The following DLGAP1 variants were observed in gnomAD, a reference collection of about 807,000 sequenced individuals.
The protein encoded by DLGAP1 is DLG associated protein 1, also known as disks large-associated protein 1.
DLGAP1 carries 11 observed loss-of-function variants against 90.8 expected under a neutral mutation model. That is an observed-to-expected ratio of 0.12 (90% CI 0.08 to 0.20). The LOEUF (loss-of-function observed/expected upper bound fraction) is 0.20, where lower values mean the gene tolerates loss of function less well. Among genes scored for constraint, DLGAP1 ranks in the 10% least tolerant of loss-of-function variants. The pLI is 1.00. For synonymous variants in DLGAP1, 558 were observed against 540.7 expected (o/e 1.03, Z -0.44); for missense variants, 1,050 against 1,333.8 (o/e 0.79, Z 3.31).
chr18:3,503,654 G>A (rs982246744), intron 11 of DLGAP1, among the ~76,000 whole-genome samples: 3 of 152,138 alleles, frequency 2.0e-5, no homozygotes, highest in Non-Finnish European at 4.4e-5. Context: ...ATGATAACAC[G>A]AGGCCAGTGT....
intron 5 of DLGAP1, among the ~76,000 whole-genome samples, chr18:3,772,091 GCCTTTCTTTCTTTTCTTTTCTTT>G (rs1411803596): frequency 2.0e-5 from 3 of 151,910 alleles, no homozygotes; most frequent in East Asian, 3.9e-4. Context: ...TAAAACCTAA[GCCTTTCTTTCTTTTCTTTTCTTT>G]CCTTTCTTTC....
chr18:4,428,854 G>A (rs1445858074), intron 1 of DLGAP1, among the ~76,000 whole-genome samples: 3 of 152,150 alleles, frequency 2.0e-5, no homozygotes, highest in Non-Finnish European at 4.4e-5. Context: ...TGAAAGTGGG[G>A]TTCTAGGGTT....
intron 4 of DLGAP1, chr18:3,874,892 T>C (rs2070957427): frequency 2.7e-6 from 2 of 740,938 alleles, no homozygotes; most frequent in Non-Finnish European, 3.8e-6. Context: ...CCGTATTAAC[T>C]GGGACTTGCA....
At chr18:4,026,542 G>C (rs1447834675) in intron 2 of DLGAP1, among the ~76,000 whole-genome samples, 2 of 152,184 alleles carry the variant, frequency 1.3e-5, no homozygotes, top group Non-Finnish European at 2.9e-5. Context: ...AGAGTCGAGA[G>C]AATAGGAATT....
chr18:3,565,489 T>C lies in DLGAP1; in HGVS notation c.2057+2001A>G, dbSNP rs1010349741. On this transcript the variant is annotated intron_variant, in intron 9 of 12. Transcript: ENST00000315677. The surrounding 1 kb of genome is among the most constrained non-coding windows in gnomAD (Gnocchi z 4.0). ...TTTAATGTCTACTAAATGTATACTT[T>C]CAAAAATTTTTCTAAAACACTTAAT... is the stretch of plus-strand genomic sequence containing the variant. Among the ~76,000 whole-genome samples, 11 of 152,030 alleles carry C rather than the reference T, an allele frequency of 7.2e-5. No individual in the cohort carries two copies. The highest frequency in any genetic ancestry group is 2.0e-4 in the Admixed American group (3 of 15,260).
intron 5 of DLGAP1, among the ~76,000 whole-genome samples, chr18:3,794,621 GAC>G (rs2065895780): frequency 6.6e-6 from 1 of 152,208 alleles, no homozygotes; most frequent in South Asian, 2.1e-4. Flanking sequence ...AGGAAAGGCT[GAC>G]ATAAAACAAT....
chr18:4,306,438 TGTGTGTGTGTGTGTGTGTGTGTGTGA>T (rs1352103288), intron 1 of DLGAP1, among the ~76,000 whole-genome samples: 2 of 108,954 alleles, frequency 1.8e-5, no homozygotes, highest in Non-Finnish European at 3.6e-5. Flanking sequence ...TGTGTGTGTG[TGTGTGTGTGTGTGTGTGTGTGTGTGA>T]GAGAGAGAGA....
intron 1 of DLGAP1, among the ~76,000 whole-genome samples, chr18:4,393,582 G>A (rs1361495009): frequency 6.6e-6 from 1 of 152,156 alleles, no homozygotes; most frequent in African/African-American, 2.4e-5. Context: ...TGTTGATGTA[G>A]CTACACCATA....
chr18:3,789,547 TAGG>T (rs2065626042), intron 5 of DLGAP1, among the ~76,000 whole-genome samples: 1 of 152,218 alleles, frequency 6.6e-6, no homozygotes, highest in Non-Finnish European at 1.5e-5. Flanking sequence ...GGCAGGACCA[TAGG>T]GTGTATCAAT....
intron 1 of DLGAP1, among the ~76,000 whole-genome samples, chr18:4,255,501 G>GAA (rs57248045): frequency 1.2e-4 from 16 of 135,006 alleles, no homozygotes; most frequent in African/African-American, 5.1e-4. Flanking sequence ...ATATACAGAT[G>GAA]AAAAAAAAAA....
intron 1 of DLGAP1, among the ~76,000 whole-genome samples, chr18:4,321,971 G>A (rs1053777620): frequency 4.0e-5 from 6 of 150,974 alleles, no homozygotes; most frequent in African/African-American, 1.5e-4. Context: ...GCCTAGGGGG[G>A]TGGATCACAT....
chr18:3,523,723 C>T lies in DLGAP1; in HGVS notation c.2479+10471G>A, dbSNP rs369979347. The stretch of plus-strand genomic sequence containing the variant: ...TTAGCCAGGCGTGGTGGCGTGCGCC[C>T]GTAGTCCCAGCTACACTGGGAGGCT... On this transcript the variant is annotated intron_variant, in intron 10 of 12. Transcript: ENST00000315677. Among the ~76,000 whole-genome samples, 208 of 151,946 alleles carry T rather than the reference C, an allele frequency of 1.4e-3. 2 individuals are homozygous for T. Among genetic ancestry groups the T allele is most frequent in the South Asian group, 4.8e-3 (23 of 4,800 alleles).
At chr18:4,012,873 G>T (rs1020915634) in intron 2 of DLGAP1, among the ~76,000 whole-genome samples, 35 of 151,970 alleles carry the variant, frequency 2.3e-4, no homozygotes, top group African/African-American at 5.3e-4. Context: ...TAATTAAAAA[G>T]AATTTATTTT....
rs538191170 is a variant in DLGAP1, at chr18:3,778,578, T to C, written c.1172+35481A>G. Among the ~76,000 whole-genome samples, 3 of 152,234 alleles carry C rather than the reference T, an allele frequency of 2.0e-5. No individual in the cohort carries two copies. The South Asian group carries it at 6.2e-4, about 32-fold the overall frequency. ...GTATAGGCAGGTTTTTCAGGGCTGC[T>C]GGGGATCTCTCACTAGAAGGCCCAG... is the stretch of plus-strand genomic sequence containing the variant. On this transcript the variant is annotated intron_variant, in intron 5 of 12. Coordinates refer to ENST00000315677, the MANE Select transcript of DLGAP1 (RefSeq NM_004746.4).
In DLGAP1 at chr18:4,337,782, C is replaced by T. The variant is rs76974835; in HGVS notation, c.-267+117224G>A. On this transcript the variant is annotated intron_variant, in intron 1 of 12. Coordinates refer to ENST00000315677, the MANE Select transcript of DLGAP1 (RefSeq NM_004746.4). ...CAGTATTGGAATATTTGAATCAAAC[C>T]GCTACTTTTATACTGGAGCCATTTT... Among the ~76,000 whole-genome samples, 672 of 152,192 alleles carry T rather than the reference C, an allele frequency of 4.4e-3. 7 individuals carry two copies. Among genetic ancestry groups the T allele is most frequent in the African/African-American group, 0.015 (628 of 41,520 alleles).
intron 5 of DLGAP1, among the ~76,000 whole-genome samples, chr18:3,754,519 C>T (rs535747305): frequency 5.2e-4 from 78 of 150,090 alleles, no homozygotes; most frequent in South Asian, 1.3e-3. Context: ...AGGTATATCA[C>T]GAATGCATAA....
intron 3 of DLGAP1, among the ~76,000 whole-genome samples, chr18:3,881,494 C>T (rs2071167660): frequency 6.6e-6 from 1 of 152,192 alleles, no homozygotes; most frequent in Non-Finnish European, 1.5e-5. Context: ...TTCAGGATCT[C>T]TCTTCCGGCT....
chr18:4,190,245 G>A (rs1348599597), intron 1 of DLGAP1, among the ~76,000 whole-genome samples: 3 of 152,084 alleles, frequency 2.0e-5, no homozygotes, highest in Non-Finnish European at 4.4e-5. Context: ...ATATTATGAA[G>A]TGGAAGAAGG....
chr18:3,636,969 C>T (rs376888395), intron 7 of DLGAP1, among the ~76,000 whole-genome samples: 2 of 151,988 alleles, frequency 1.3e-5, no homozygotes, highest in Admixed American at 6.6e-5. Flanking sequence ...ATGATCCACC[C>T]GCCTCGGCAT....
Sources: gnomAD v4.1 joint callset for allele counts (sites outside exome capture counted in the v4.1 genomes callset) on GRCh38, gnomAD v4.1.1 for gene constraint, Gnocchi (gnomAD v3.1) non-coding constraint, MANE v1.5 for transcripts, NCBI Gene and HGNC (gene_info 2026-07-23, HGNC 2026-07-21) for gene names.